Variants in TMEM132D observed in about 807,000 individuals in gnomAD.
TMEM132D encodes the protein transmembrane protein 132D.
TMEM132D carries 21 observed loss-of-function variants against 62.3 expected under a neutral mutation model. The observed-to-expected ratio is 0.34, with a 90% CI of 0.24 to 0.49. The LOEUF (loss-of-function observed/expected upper bound fraction) is 0.49. Ranked by LOEUF, TMEM132D falls within the 20% of genes least tolerant of loss-of-function variation. The pLI is 0.99. For missense variants in TMEM132D, 1,346 were observed against 1,402.8 expected (o/e 0.96, Z 0.65); for synonymous variants, 621 against 575.6 (o/e 1.08, Z -1.13).
chr12:129,695,346 T>C (rs1394900406), intron 2 of TMEM132D, among the ~76,000 whole-genome samples: 2 of 152,204 alleles, frequency 1.3e-5, no homozygotes, highest in Non-Finnish European at 2.9e-5. Flanking sequence ...TTGTAAGGTA[T>C]TAATAAAAGA....
rs1875546993 is a variant in TMEM132D, at chr12:129,513,245, TG to T, written c.1115+17813del. On this transcript the variant is annotated intron_variant, in intron 3 of 8. Coordinates refer to ENST00000422113, the MANE Select transcript of TMEM132D (RefSeq NM_133448.3). Reference sequence around the variant, plus strand: ...GAAGAGGAGAAAACTTGACAGGCTTTGTAACAACCCACTCTTAAGGGAACCT... The same window carrying T: ...GAAGAGGAGAAAACTTGACAGGCTTTTAACAACCCACTCTTAAGGGAACCT... 2.0e-5 allele frequency among the ~76,000 whole-genome samples: 3 copies of T among 152,022 alleles called. No homozygotes were observed. The South Asian group carries it at 6.2e-4, about 32-fold the overall frequency.
intron 3 of TMEM132D, among the ~76,000 whole-genome samples, chr12:129,366,824 C>T (rs1870429697): frequency 6.6e-6 from 1 of 152,118 alleles, no homozygotes; most frequent in South Asian, 2.1e-4. Context: ...GAACCTCTTT[C>T]TCGGGGAACC....
At chr12:129,146,007 T>C (rs1876883417) in intron 5 of TMEM132D, among the ~76,000 whole-genome samples, 1 of 152,048 alleles carries the variant, frequency 6.6e-6, no homozygotes, top group Non-Finnish European at 1.5e-5. Flanking sequence ...CCATGATGTT[T>C]TGGTATGCAT....
At chr12:129,199,442 C>A (rs990221741) in intron 5 of TMEM132D, among the ~76,000 whole-genome samples, 1 of 152,084 alleles carries the variant, frequency 6.6e-6, no homozygotes, top group Non-Finnish European at 1.5e-5. Context: ...GTGAAATAAT[C>A]CACTAACAAT....
At chr12:129,180,692 G>A (rs904584474) in intron 5 of TMEM132D, among the ~76,000 whole-genome samples, 18 of 152,298 alleles carry the variant, frequency 1.2e-4, no homozygotes, top group Non-Finnish European at 2.4e-4. Flanking sequence ...CAAATGACAC[G>A]AAGGAGGCCG....
chr12:129,423,272 C>G (rs1872383464), intron 3 of TMEM132D, among the ~76,000 whole-genome samples: 1 of 152,170 alleles, frequency 6.6e-6, no homozygotes, highest in South Asian at 2.1e-4. Context: ...TTTTCCTACA[C>G]ATAAACAGGA....
intron 4 of TMEM132D, among the ~76,000 whole-genome samples, chr12:129,326,715 GCTC>G (rs1429638610): frequency 2.0e-5 from 3 of 152,106 alleles, no homozygotes; most frequent in African/African-American, 7.2e-5. Flanking sequence ...TTGAGCTATT[GCTC>G]CTTTTATATA....
At chr12:129,559,487 G>A (rs138655492) in intron 2 of TMEM132D, among the ~76,000 whole-genome samples, 3 of 152,292 alleles carry the variant, frequency 2.0e-5, no homozygotes, top group Non-Finnish European at 2.9e-5. Context: ...ATGGGAAGAC[G>A]CTGGTTATTT....
At position 129,700,810 on chromosome 12, in the gene TMEM132D, T is replaced by C. The variant is rs1200911674; in HGVS notation, c.80-112A>G. 4.8e-6 allele frequency: 6 copies of C among 1,238,440 alleles called. No homozygotes were observed. In the Admixed American group the frequency reaches 8.4e-5, roughly 17 times the overall value. 76.7% of individuals were successfully genotyped at this position (1,238,440 alleles called of 1,614,324 possible). ...CAGAGGACCCTGTCTTCGCGCCAAT[T>C]ATGCAATTCCTTATCCAAACCTCTT... is the stretch of plus-strand genomic sequence containing the variant. On this transcript the variant is annotated intron_variant, in intron 1 of 8. Transcript: ENST00000422113.
At chr12:129,382,706 G>A (rs1167469645) in intron 3 of TMEM132D, among the ~76,000 whole-genome samples, 1 of 152,122 alleles carries the variant, frequency 6.6e-6, no homozygotes, top group East Asian at 1.9e-4. Flanking sequence ...CTAGAAAGCT[G>A]GGCTCTTTTT....
At chr12:129,710,483 G>A (rs1185490307) in intron 1 of TMEM132D, among the ~76,000 whole-genome samples, 1 of 152,030 alleles carries the variant, frequency 6.6e-6, no homozygotes, top group East Asian at 1.9e-4. Context: ...TTTTAGTAGA[G>A]ACGGGGTTTT....
chr12:129,886,285 T>G (rs4760016), intron 1 of TMEM132D, among the ~76,000 whole-genome samples: 1 of 152,196 alleles, frequency 6.6e-6, no homozygotes, highest in Non-Finnish European at 1.5e-5. Flanking sequence ...AGGCTTTTAC[T>G]TCTGAGGGGA....
intron 5 of TMEM132D, among the ~76,000 whole-genome samples, chr12:129,151,557 G>C (rs1013806213): frequency 6.6e-6 from 1 of 152,156 alleles, no homozygotes; most frequent in Non-Finnish European, 1.5e-5. Flanking sequence ...CGGCTGAAAG[G>C]CACCCATATG....
At chr12:129,753,886 G>A (rs368529700) in intron 1 of TMEM132D, among the ~76,000 whole-genome samples, 78 of 152,040 alleles carry the variant, frequency 5.1e-4, no homozygotes, top group Non-Finnish European at 9.6e-4. Context: ...ATAACCTTTC[G>A]CTTCATTCCT....
At chr12:129,709,404 A>T (rs1301103334) in intron 1 of TMEM132D, among the ~76,000 whole-genome samples, 1 of 152,246 alleles carries the variant, frequency 6.6e-6, no homozygotes, top group African/African-American at 2.4e-5. Flanking sequence ...TTATTAGAAT[A>T]GACAAGGAAA....
At chr12:129,340,428 G>A (rs1316082014) in intron 3 of TMEM132D, among the ~76,000 whole-genome samples, 1 of 151,868 alleles carries the variant, frequency 6.6e-6, no homozygotes, top group African/African-American at 2.4e-5. Context: ...ATTTACATTA[G>A]GTATATCTCC....
intron 1 of TMEM132D, among the ~76,000 whole-genome samples, chr12:129,891,495 C>T (rs536795121): frequency 6.6e-6 from 1 of 152,328 alleles, no homozygotes; most frequent in East Asian, 1.9e-4. Flanking sequence ...CTTGCCATTG[C>T]TAAGAGCATC....
intron 5 of TMEM132D, among the ~76,000 whole-genome samples, chr12:129,129,114 T>C (rs1470962806): frequency 2.0e-5 from 3 of 152,136 alleles, no homozygotes; most frequent in Admixed American, 2.0e-4. Context: ...TACCCAAAAG[T>C]TAGTTTTTCA....
intron 1 of TMEM132D, among the ~76,000 whole-genome samples, chr12:129,865,119 G>A (rs566000630): frequency 1.2e-4 from 19 of 152,306 alleles, no homozygotes; most frequent in African/African-American, 4.1e-4. Context: ...GGTAAGTGCC[G>A]TAAAAGTGAT....
Sources: allele counts gnomAD v4.1 joint callset (sites outside exome capture counted in the v4.1 genomes callset), GRCh38; gene constraint gnomAD v4.1.1; transcripts MANE v1.5; gene names NCBI Gene and HGNC (gene_info 2026-07-23, HGNC 2026-07-21).